ANPEP: variants seen among roughly 807,000 people sequenced by gnomAD.
ANPEP encodes the protein alanyl aminopeptidase, membrane.
A neutral mutation model predicts 114.6 loss-of-function variants in ANPEP; 70 were observed. The ratio of observed to expected loss-of-function variants is 0.61; its 90% CI spans 0.50 to 0.75. The LOEUF is 0.75. Ranked by LOEUF, ANPEP falls within the 30% of genes least tolerant of loss-of-function variation. The pLI is 0.00. For synonymous variants in ANPEP, 548 were observed against 522.3 expected (o/e 1.05, Z -0.67); for missense variants, 1,184 against 1,259.5 (o/e 0.94, Z 0.91).
In ANPEP at chr15:89,792,557, C is replaced by T. The variant is rs25651; in HGVS notation, c.2255G>A (p.Ser752Asn). 515,150 of 1,612,620 alleles carry T rather than the reference C, an allele frequency of 0.32. 84,996 individuals carry two copies. Among genetic ancestry groups the T allele is most frequent in the African/African-American group, 0.5 (37,395 of 74,894 alleles). The change falls in exon 17 of 21, where the codon AGC (serine) becomes AAC (asparagine). Residue 752 changes from serine (S) to asparagine (N), a missense_variant. Coordinates refer to ENST00000300060, the MANE Select transcript of ANPEP (RefSeq NM_001150.3). ...EIPENLMDQYSEVNAISTACS... is the reference protein window; with the variant it reads ...EIPENLMDQYNEVNAISTACS... Reference sequence around the variant, plus strand: ...GGCGGTGCTGATGGCATTAACCTCGCTGTACCTGCCCCAGGGGTGACACGC... The same window carrying T: ...GGCGGTGCTGATGGCATTAACCTCGTTGTACCTGCCCCAGGGGTGACACGC...
In ANPEP at chr15:89,805,158, G is replaced by T; in HGVS notation, c.817C>A (p.Pro273Thr). The T allele has an allele frequency of 6.2e-7, 1 of 1,614,242 alleles. No homozygotes were observed. The highest frequency in any genetic ancestry group is 1.1e-5 in the South Asian group (1 of 91,090). ...GCCAGCAAGTACGTGGACATCTTGG[G>T]CGTGGTGTGGAACTCAGTGACATTC... ...NWNVTEFHTT[P>T]KMSTYLLAFI... Residue 273 changes from proline to threonine, a missense_variant, in exon 4 of 21, where the codon CCC becomes ACC. By Grantham distance (38) the Pro-to-Thr change is conservative. Transcript: ENST00000300060.
chr15:89,790,898 C>G, intron 19 of ANPEP, 55 bp downstream of exon 19: 3 of 1,595,654 alleles, frequency 1.9e-6, no homozygotes, highest in Non-Finnish European at 2.6e-6. Flanking sequence ...CAGGCCACCC[C>G]CCGGGGCCCC....
In ANPEP at chr15:89,806,374, C is replaced by T. The variant is rs375752262; in HGVS notation, c.210G>A (p.Ala70=). The T allele has an allele frequency of 7.4e-6, 12 of 1,613,910 alleles. No homozygotes were observed. The highest frequency in any genetic ancestry group is 5.0e-5 in the Admixed American group (3 of 59,998). The change falls in exon 2 of 21, where the codon GCG becomes GCA. Residue 70 remains alanine, a synonymous_variant. Coordinates refer to ENST00000300060, the MANE Select transcript of ANPEP (RefSeq NM_001150.3). The surrounding 1 kb of genome is among the most constrained non-coding windows in gnomAD (Gnocchi z 5.7). ...TGTTGGGGAGGCGGTAACGATTCCA[C>T]GCTTTACTTTGGTCCAAGGTGGTGG... ...ASATTLDQSK[A]WNRYRLPNTL...
intron 1 of ANPEP, among the ~76,000 whole-genome samples, chr15:89,813,995 G>A (rs71405667): frequency 5.5e-5 from 8 of 146,116 alleles, no homozygotes; most frequent in African/African-American, 1.5e-4. Flanking sequence ...CACTGCTGGG[G>A]GGGGGGGGTG....
At chr15:89,812,443 G>C (rs1329380576) in intron 1 of ANPEP, among the ~76,000 whole-genome samples, 1 of 152,222 alleles carries the variant, frequency 6.6e-6, no homozygotes, top group South Asian at 2.1e-4. Context: ...ATCACCCCAG[G>C]GTGCTTCCTC....
chr15:89,803,833 G>T lies in ANPEP; in HGVS notation c.1294-43C>A. On this transcript the variant is annotated intron_variant, in intron 7 of 20. Coordinates refer to ENST00000300060, the MANE Select transcript of ANPEP (RefSeq NM_001150.3). The surrounding 1 kb of genome is among the most constrained non-coding windows in gnomAD (Gnocchi z 4.2). ...CCATCAGGAGACTGGCCTGGTAGCG[G>T]TGGCCCAGGTCTCCCTCCATGCCCC... 1 of 1,612,448 alleles carries T rather than the reference G, an allele frequency of 6.2e-7. No homozygotes were observed. The highest frequency in any genetic ancestry group is 8.5e-7 in the Non-Finnish European group (1 of 1,178,752).
Position 89,803,825 on chromosome 15 carries a change from T to G in ANPEP, c.1294-35A>C. 6.2e-7 allele frequency: 1 copy of G among 1,611,966 alleles called. No individual in the cohort carries two copies. Among genetic ancestry groups the G allele is most frequent in the Non-Finnish European group, 8.5e-7 (1 of 1,178,444 alleles). ...CCCCAGGGCCATCAGGAGACTGGCCTGGTAGCGGTGGCCCAGGTCTCCCTC... is the reference window on the plus strand; with the variant it reads ...CCCCAGGGCCATCAGGAGACTGGCCGGGTAGCGGTGGCCCAGGTCTCCCTC... On this transcript the variant is annotated intron_variant, in intron 7 of 20. Transcript: ENST00000300060. The surrounding 1 kb of genome is among the most constrained non-coding windows in gnomAD (Gnocchi z 4.2).
chr15:89,795,997 T>A (rs959064760), intron 15 of ANPEP, among the ~76,000 whole-genome samples: 1 of 152,182 alleles, frequency 6.6e-6, no homozygotes, highest in Non-Finnish European at 1.5e-5. Context: ...GGAGGATTGC[T>A]TGAAGCCAGG....
At position 89,799,267 on chromosome 15, in the gene ANPEP, G is replaced by T; in HGVS notation, c.2002C>A (p.Leu668Met). Residue 668 changes from leucine (L) to methionine (M), a missense_variant, in exon 14 of 21, where the codon CTG becomes ATG. Coordinates refer to ENST00000300060, the MANE Select transcript of ANPEP (RefSeq NM_001150.3). The surrounding 1 kb of genome is among the most constrained non-coding windows in gnomAD (Gnocchi z 4.2). ...AGGCAGCGGAGCACTCACCTGGCCAGGTTGAAGGCGTCATTAATGATCTGT... is the reference window on the plus strand; with the variant it reads ...AGGCAGCGGAGCACTCACCTGGCCATGTTGAAGGCGTCATTAATGATCTGT... Reference protein sequence around the residue: ...RAQIINDAFNLASAHKVPVTL... With the variant: ...RAQIINDAFNMASAHKVPVTL... The T allele has an allele frequency of 6.2e-7, 1 of 1,614,202 alleles. No individual in the cohort carries two copies. Among genetic ancestry groups the T allele is most frequent in the South Asian group, 1.1e-5 (1 of 91,084 alleles).
intron 1 of ANPEP, among the ~76,000 whole-genome samples, chr15:89,807,611 G>T (rs551703081): frequency 6.6e-6 from 1 of 152,268 alleles, no homozygotes; most frequent in African/African-American, 2.4e-5. Flanking sequence ...CTGAGGCAGA[G>T]AATTGCTTGA....
At position 89,799,404 on chromosome 15, in the gene ANPEP, G is replaced by C. The variant is rs1187228825; in HGVS notation, c.1953+22C>G. On this transcript the variant is annotated intron_variant, in intron 13 of 20. Coordinates refer to ENST00000300060, the MANE Select transcript of ANPEP (RefSeq NM_001150.3). The surrounding 1 kb of genome is among the most constrained non-coding windows in gnomAD (Gnocchi z 4.2). ...TGCCTGTCCTGGGGCAGGGGGCAGGGCGAGGGGTGGCAGACACTCACCGAG... is the reference window on the plus strand; with the variant it reads ...TGCCTGTCCTGGGGCAGGGGGCAGGCCGAGGGGTGGCAGACACTCACCGAG... 1.2e-6 allele frequency: 2 copies of C among 1,614,062 alleles called. No homozygotes were observed. The highest frequency in any genetic ancestry group is 1.7e-6 in the Non-Finnish European group (2 of 1,180,028).
Position 89,785,306 on chromosome 15 carries a change from TGGGCACCTTGCATGG to T in ANPEP, c.*28_*42del, listed in dbSNP as rs546413486. The T allele has an allele frequency of 2.2e-4, 360 of 1,612,596 alleles. 1 individual carries two copies. The African/African-American group carries it at 4.1e-3, about 18-fold the overall frequency. ...CACCAGCCGCTGGGATGGACACATG[TGGGCACCTTGCATGG>T]GGGCCGGGTGACTTCAAGGGCTGGG... On this transcript the variant is annotated 3_prime_UTR_variant, in exon 21 of 21. Transcript: ENST00000300060.
rs568900257 is a variant in ANPEP, at chr15:89,799,391, G to A, written c.1953+35C>T. The A allele has an allele frequency of 2.4e-5, 39 of 1,614,114 alleles. No homozygotes were observed. The African/African-American group carries it at 4.9e-4, about 20-fold the overall frequency. ...CCTTGCAGTCTGGTGCCTGTCCTGG[G>A]GCAGGGGGCAGGGCGAGGGGTGGCA... On this transcript the variant is annotated intron_variant, in intron 13 of 20. Transcript: ENST00000300060. This position sits in a 1 kb window ranked among gnomAD's most constrained non-coding sequence, Gnocchi z 4.2.
intron 1 of ANPEP, among the ~76,000 whole-genome samples, chr15:89,812,063 G>A (rs1412226005): frequency 6.6e-6 from 1 of 152,250 alleles, no homozygotes; most frequent in African/African-American, 2.4e-5. Flanking sequence ...CACACTTGTG[G>A]GTGGGGAGAG....
chr15:89,801,657 T>G, intron 10 of ANPEP, 50 bp from the exon 11 acceptor site: 1 of 1,588,372 alleles, frequency 6.3e-7, no homozygotes. Context: ...CTCCAGTCCC[T>G]GCCATCCAGG....
chr15:89,812,318 G>A (rs1274503859), intron 1 of ANPEP, among the ~76,000 whole-genome samples: 1 of 152,276 alleles, frequency 6.6e-6, no homozygotes. Context: ...TGTCTGCTCT[G>A]AGGGAGCAGT....
At position 89,806,600 on chromosome 15, in the gene ANPEP, C is replaced by G; in HGVS notation, c.-17G>C. The G allele has an allele frequency of 6.4e-7, 1 of 1,565,330 alleles. No individual in the cohort carries two copies. On this transcript the variant is annotated 5_prime_UTR_variant, in exon 2 of 21. Coordinates refer to ENST00000300060, the MANE Select transcript of ANPEP (RefSeq NM_001150.3). This position sits in a 1 kb window ranked among gnomAD's most constrained non-coding sequence, Gnocchi z 5.7. ...CTTGGCCATGGTGATGGTGGGGAGGCGGCTCAGGGAGCCTCAGGCCAGGCA... is the reference window on the plus strand; with the variant it reads ...CTTGGCCATGGTGATGGTGGGGAGGGGGCTCAGGGAGCCTCAGGCCAGGCA...
At chr15:89,796,631 G>A (rs1393027746) in intron 15 of ANPEP, among the ~76,000 whole-genome samples, 1 of 151,718 alleles carries the variant, frequency 6.6e-6, no homozygotes, top group African/African-American at 2.4e-5. Context: ...GGGACTACAG[G>A]TGCCCGCCAC....
intron 20 of ANPEP, among the ~76,000 whole-genome samples, chr15:89,789,813 G>A (rs1968582785): frequency 6.8e-6 from 1 of 147,444 alleles, no homozygotes; most frequent in African/African-American, 2.5e-5. Flanking sequence ...GCTCACGCCT[G>A]TAATCCCAGC....
Sources: gnomAD v4.1 joint callset for allele counts (sites outside exome capture counted in the v4.1 genomes callset) on GRCh38, gnomAD v4.1.1 for gene constraint, Gnocchi (gnomAD v3.1) non-coding constraint, MANE v1.5 for transcripts, NCBI Gene and HGNC (gene_info 2026-07-23, HGNC 2026-07-21) for gene names.